Variants in MNAT1 observed in about 807,000 individuals in gnomAD.
The protein encoded by MNAT1 is CDK-activating kinase assembly factor MAT1.
A neutral mutation model predicts 42.0 loss-of-function variants in MNAT1; 43 were observed. That is an observed-to-expected ratio of 1.02 (90% CI 0.80 to 1.32). MNAT1 has a LOEUF of 1.32. MNAT1 is among the 40% of genes most tolerant of loss of function. MNAT1 has a pLI of 0.00. For missense variants in MNAT1, 306 were observed against 350.4 expected, an observed-to-expected ratio of 0.87 and a Z score of 1.01; for synonymous variants, 118 against 120.0, an observed-to-expected ratio of 0.98 and a Z score of 0.11.
At chr14:60,892,304 G>A (rs772970264) in intron 7 of MNAT1, among the ~76,000 whole-genome samples, 2 of 152,028 alleles carry the variant, frequency 1.3e-5, no homozygotes, top group African/African-American at 2.4e-5. Context: ...TGTTTTGATG[G>A]TCTGTTATTA....
At chr14:60,836,492 C>G (rs1044764823) in intron 6 of MNAT1, among the ~76,000 whole-genome samples, 1 of 152,200 alleles carries the variant, frequency 6.6e-6, no homozygotes, top group Non-Finnish European at 1.5e-5. Context: ...AACAGACAAA[C>G]CCCTCTGCTG....
At chr14:60,753,751 A>T (rs2030205750) in intron 1 of MNAT1, 1 of 152,156 alleles carries the variant, frequency 6.6e-6, no homozygotes, top group Non-Finnish European at 1.5e-5. Context: ...CACCAACCAC[A>T]TATGTATATT....
intron 7 of MNAT1, among the ~76,000 whole-genome samples, chr14:60,899,977 T>C (rs1208934212): frequency 6.6e-6 from 1 of 151,932 alleles, no homozygotes; most frequent in Non-Finnish European, 1.5e-5. Flanking sequence ...TGCCACAAAC[T>C]GTACCCGTAT....
chr14:60,927,027 C>T (rs2035782257), intron 7 of MNAT1, among the ~76,000 whole-genome samples: 1 of 152,158 alleles, frequency 6.6e-6, no homozygotes, highest in Non-Finnish European at 1.5e-5. Context: ...TCCTTGCCAC[C>T]CTATCTATAA....
At chr14:60,930,913 C>G (rs2139569451) in intron 7 of MNAT1, among the ~76,000 whole-genome samples, 1 of 152,128 alleles carries the variant, frequency 6.6e-6, no homozygotes, top group East Asian at 1.9e-4. Context: ...ACTGCTATCT[C>G]AGTAACTAGG....
chr14:60,783,393 G>A (rs2031533174), intron 1 of MNAT1, among the ~76,000 whole-genome samples: 2 of 152,144 alleles, frequency 1.3e-5, no homozygotes, highest in African/African-American at 4.8e-5. Flanking sequence ...TTTAAATCAT[G>A]GTCTTTATGT....
At chr14:60,742,161 C>T (rs752630867) in intron 1 of MNAT1, among the ~76,000 whole-genome samples, 2 of 152,074 alleles carry the variant, frequency 1.3e-5, no homozygotes, top group Admixed American at 6.6e-5. Context: ...TCACAGGTCA[C>T]TGCAACCTTG....
intron 7 of MNAT1, among the ~76,000 whole-genome samples, chr14:60,912,451 G>A (rs1413234561): frequency 6.6e-6 from 1 of 152,282 alleles, no homozygotes; most frequent in African/African-American, 2.4e-5. Context: ...TTTTTGCAGT[G>A]GCTGGCACCG....
chr14:60,967,909 C>A (rs562505424), intron 7 of MNAT1, among the ~76,000 whole-genome samples: 52 of 152,184 alleles, frequency 3.4e-4, no homozygotes, highest in African/African-American at 1.2e-3. Context: ...AGTTAGGTGT[C>A]CAAAAAACAG....
intron 7 of MNAT1, among the ~76,000 whole-genome samples, chr14:60,924,162 G>A (rs759383367): frequency 7.2e-5 from 11 of 152,114 alleles, no homozygotes; most frequent in Non-Finnish European, 1.3e-4. Flanking sequence ...GAGACCAGTA[G>A]ATGTTTGTAA....
intron 1 of MNAT1, among the ~76,000 whole-genome samples, chr14:60,770,925 T>G (rs1278368081): frequency 6.6e-6 from 1 of 152,208 alleles, no homozygotes; most frequent in Non-Finnish European, 1.5e-5. Context: ...CTGCATTTTA[T>G]TTATCCATTC....
intron 7 of MNAT1, among the ~76,000 whole-genome samples, chr14:60,954,423 G>A (rs1566577969): frequency 6.6e-6 from 1 of 152,074 alleles, no homozygotes; most frequent in Non-Finnish European, 1.5e-5. Context: ...AGTTTTCAGT[G>A]TATAGATCTT....
chr14:60,802,867 G>C lies in MNAT1; in HGVS notation c.316+4707G>C, dbSNP rs534282626. On this transcript the variant is annotated intron_variant, in intron 3 of 7. Coordinates refer to ENST00000261245, the MANE Select transcript of MNAT1 (RefSeq NM_002431.4). ...TTTAGTTTTAGACCTTTTAAGTTTT[G>C]TTAGAGTGTGGCTCCACCACTTAGT... 1.1e-4 allele frequency among the ~76,000 whole-genome samples: 17 copies of C among 150,910 alleles called. 1 individual carries two copies. The South Asian group carries it at 3.6e-3, about 32-fold the overall frequency.
rs558442954 is a variant in MNAT1 at position 60,956,420 on chromosome 14, C to T, written c.810-11809C>T. 9.2e-5 allele frequency among the ~76,000 whole-genome samples: 14 copies of T among 152,184 alleles called. No individual in the cohort carries two copies. The South Asian group carries it at 2.5e-3, about 27-fold the overall frequency. On this transcript the variant is annotated intron_variant, in intron 7 of 7. Transcript: ENST00000261245. ...TGTTAAGATTTGGTTTCTGGGCTAA[C>T]GTATGATTTATTTTGTAAAATGTTC...
intron 3 of MNAT1, 61 bp from the exon 4 acceptor site, chr14:60,808,264 T>G (rs1159931267): frequency 2.9e-6 from 3 of 1,034,942 alleles, no homozygotes; most frequent in Non-Finnish European, 4.2e-6. Flanking sequence ...TTGTTTTTTA[T>G]TGTCTACTCA....
chr14:60,818,518 G>T (rs1182935477), intron 5 of MNAT1, among the ~76,000 whole-genome samples: 1 of 151,882 alleles, frequency 6.6e-6, no homozygotes, highest in Non-Finnish European at 1.5e-5. Flanking sequence ...AAAAATACTT[G>T]TTTGCAGGTT....
chr14:60,904,116 C>T (rs1320033288), intron 7 of MNAT1, among the ~76,000 whole-genome samples: 1 of 152,118 alleles, frequency 6.6e-6, no homozygotes, highest in Non-Finnish European at 1.5e-5. Flanking sequence ...TGTGATCCAC[C>T]CGCCTTGGCC....
In MNAT1 at chr14:60,968,311, C is replaced by T; in HGVS notation, c.892C>T (p.Gln298Ter). The T allele has an allele frequency of 1.2e-6, 2 of 1,613,818 alleles. No homozygotes were observed. The highest frequency in any genetic ancestry group is 1.7e-6 in the Non-Finnish European group (2 of 1,179,868). The change falls in exon 8 of 8, where the codon CAG (glutamine) becomes TAG (stop). Residue 298 changes from glutamine to a stop codon, truncating the protein, a stop_gained. Coordinates refer to ENST00000261245, the MANE Select transcript of MNAT1 (RefSeq NM_002431.4). LOFTEE classifies it high-confidence loss of function. ...TTCTCTTGCTTGTCACAGAGCACTA[C>T]AGGATGCATTCAGTGGGCTTTTCTG... ...TSSLACHRAL[Q>*]DAFSGLFWQP...
At chr14:60,824,821 GTAGT>G (rs1566782516) in intron 6 of MNAT1, among the ~76,000 whole-genome samples, 1 of 152,012 alleles carries the variant, frequency 6.6e-6, no homozygotes, top group Admixed American at 6.5e-5. Context: ...GTTATTTTTC[GTAGT>G]TAGATATATA....
Sources: gnomAD v4.1 joint callset for allele counts (sites outside exome capture counted in the v4.1 genomes callset) on GRCh38, gnomAD v4.1.1 for gene constraint, MANE v1.5 for transcripts, NCBI Gene and HGNC (gene_info 2026-07-23, HGNC 2026-07-21) for gene names.